LMTK2: variants seen among roughly 807,000 people sequenced by gnomAD.
LMTK2 encodes the protein serine/threonine-protein kinase LMTK2.
Under a neutral mutation model 127.5 loss-of-function variants are expected in LMTK2, and 37 were observed. The observed-to-expected ratio is 0.29, with a 90% CI of 0.22 to 0.38. LMTK2 has a LOEUF of 0.38. LMTK2 is among the 10% of genes least tolerant of loss of function. LMTK2 has a pLI of 1.00. For synonymous variants in LMTK2, 819 were observed against 810.1 expected (o/e 1.01, Z -0.19); for missense variants, 1,694 against 1,920.3 (o/e 0.88, Z 2.20).
Position 98,194,630 on chromosome 7 carries a change from G to T in LMTK2, c.4107+58G>T. 2 of 1,442,484 alleles carry T rather than the reference G, an allele frequency of 1.4e-6. No individual in the cohort carries two copies. Among genetic ancestry groups the T allele is most frequent in the Non-Finnish European group, 9.3e-7 (1 of 1,077,238 alleles). 89.4% of individuals were successfully genotyped at this position (1,442,484 alleles called of 1,614,324 possible). A position where few individuals can be genotyped will look rare whatever the true frequency, so the allele number is the denominator to read the frequency against. ...CATCCATATAAGGATTCCAAAATGT[G>T]CTAGGAAATTGAGTGTGGTCTGTTT... On this transcript the variant is annotated intron_variant, in intron 11 of 13. Coordinates refer to ENST00000297293, the MANE Select transcript of LMTK2 (RefSeq NM_014916.4). The surrounding 1 kb of genome is among the most constrained non-coding windows in gnomAD (Gnocchi z 5.4).
intron 1 of LMTK2, among the ~76,000 whole-genome samples, chr7:98,119,750 G>A (rs1314303521): frequency 2.0e-5 from 3 of 152,168 alleles, no homozygotes; most frequent in South Asian, 2.1e-4. Flanking sequence ...GTATAAAACC[G>A]TGACATTCTT....
intron 1 of LMTK2, among the ~76,000 whole-genome samples, chr7:98,122,416 T>G (rs1796376548): frequency 6.6e-6 from 1 of 152,194 alleles, no homozygotes; most frequent in African/African-American, 2.4e-5. Flanking sequence ...CCAAGAATAA[T>G]GCTCATTGGC....
intron 12 of LMTK2, 74 bp from the exon 13 acceptor site, chr7:98,203,870 C>T: frequency 6.3e-7 from 1 of 1,592,264 alleles, no homozygotes; most frequent in Non-Finnish European, 8.6e-7. Flanking sequence ...CTGCAGGGCG[C>T]ACCTGCCCAG....
In LMTK2 at chr7:98,186,074, T is replaced by C. The variant is rs565382918; in HGVS notation, c.877-803T>C. On this transcript the variant is annotated intron_variant, in intron 8 of 13. Coordinates refer to ENST00000297293, the MANE Select transcript of LMTK2 (RefSeq NM_014916.4). ...CCTGCATCATCTCTTTTTTTTTTTT[T>C]TCTTTTTTTGAGATGGGGTCTCGCT... Among the ~76,000 whole-genome samples, 24 of 152,000 alleles carry C rather than the reference T, an allele frequency of 1.6e-4. No homozygotes were observed. In the South Asian group the frequency reaches 4.6e-3, roughly 29 times the overall value.
At position 98,192,412 on chromosome 7, in the gene LMTK2, A is replaced by G; in HGVS notation, c.1947A>G (p.Gln649=). 1.2e-6 allele frequency: 2 copies of G among 1,610,944 alleles called. No individual in the cohort carries two copies. The highest frequency in any genetic ancestry group is 1.7e-6 in the Non-Finnish European group (2 of 1,179,334). The change falls in exon 11 of 14, where the codon CAA becomes CAG. Residue 649 remains glutamine, a synonymous_variant. Transcript: ENST00000297293. The part of the protein sequence containing the change: ...VDKSEDLPSH[Q]KIFDLMELNG... Reference sequence around the variant, plus strand: ...AATCGGAAGATTTGCCCAGTCACCAAAAAATATTCGACTTAATGGAATTAA... The same window carrying G: ...AATCGGAAGATTTGCCCAGTCACCAGAAAATATTCGACTTAATGGAATTAA...
At chr7:98,141,061 C>T (rs1389431233) in intron 2 of LMTK2, among the ~76,000 whole-genome samples, 1 of 136,140 alleles carries the variant, frequency 7.3e-6, no homozygotes, top group East Asian at 2.0e-4. Context: ...CAGAGCAAAA[C>T]CTTGTCTCAA....
At chr7:98,195,274 C>T (rs952424803) in intron 11 of LMTK2, among the ~76,000 whole-genome samples, 11 of 152,146 alleles carry the variant, frequency 7.2e-5, no homozygotes, top group Admixed American at 6.5e-5. Context: ...GGAGACAGCT[C>T]AGGAGAGGGG....
intron 5 of LMTK2, among the ~76,000 whole-genome samples, chr7:98,155,424 A>G (rs1053159348): frequency 6.6e-6 from 1 of 152,238 alleles, no homozygotes; most frequent in South Asian, 2.1e-4. Flanking sequence ...TTTGGAAAAG[A>G]AAAAGCCTAC....
intron 6 of LMTK2, among the ~76,000 whole-genome samples, chr7:98,169,104 A>G (rs1797147678): frequency 6.6e-6 from 1 of 152,146 alleles, no homozygotes; most frequent in Non-Finnish European, 1.5e-5. Flanking sequence ...AAACTGTGGT[A>G]CCAGGAGAGC....
chr7:98,126,261 C>T (rs1796442297), intron 1 of LMTK2, among the ~76,000 whole-genome samples: 3 of 152,164 alleles, frequency 2.0e-5, no homozygotes, highest in Admixed American at 2.0e-4. Flanking sequence ...GACTCGCCTG[C>T]ACATCTCTGC....
intron 1 of LMTK2, 92 bp from the exon 2 acceptor site, chr7:98,137,223 C>G (rs1348250556): frequency 1.7e-6 from 2 of 1,189,566 alleles, no homozygotes; most frequent in Non-Finnish European, 2.4e-6. Flanking sequence ...ACCCTTACAC[C>G]CATTTGTATG....
At chr7:98,116,800 A>T (rs1021372239) in intron 1 of LMTK2, among the ~76,000 whole-genome samples, 1 of 152,230 alleles carries the variant, frequency 6.6e-6, no homozygotes, top group Admixed American at 6.5e-5. Flanking sequence ...AGGAAACCAC[A>T]TTACATTTAG....
intron 1 of LMTK2, among the ~76,000 whole-genome samples, chr7:98,111,146 G>T (rs1225110045): frequency 6.6e-6 from 1 of 152,196 alleles, no homozygotes; most frequent in Non-Finnish European, 1.5e-5. Flanking sequence ...AAGTCCGTCT[G>T]CAGTTTTGTA....
intron 1 of LMTK2, among the ~76,000 whole-genome samples, chr7:98,136,889 C>T (rs1796602694): frequency 6.6e-6 from 1 of 152,148 alleles, no homozygotes; most frequent in African/African-American, 2.4e-5. Flanking sequence ...ACTGGAGGAG[C>T]TGAGGGGCAT....
At chr7:98,124,786 A>C (rs1356412898) in intron 1 of LMTK2, among the ~76,000 whole-genome samples, 1 of 63,952 alleles carries the variant, frequency 1.6e-5, no homozygotes, top group Non-Finnish European at 6.9e-5. Context: ...CTGTGTCTCT[A>C]AAAAAAAAAT....
intron 6 of LMTK2, among the ~76,000 whole-genome samples, chr7:98,169,766 A>G (rs1797157219): frequency 6.6e-6 from 1 of 152,014 alleles, no homozygotes; most frequent in Non-Finnish European, 1.5e-5. Flanking sequence ...CCCAAGCTCC[A>G]CAGAGCCTAA....
chr7:98,151,323 G>A, intron 3 of LMTK2, 59 bp from the exon 4 acceptor site: 1 of 1,138,120 alleles, frequency 8.8e-7, no homozygotes, highest in Non-Finnish European at 1.3e-6. Context: ...ATACTTTATA[G>A]GTTATATATT....
Position 98,159,354 on chromosome 7 carries a change from A to C in LMTK2, c.586A>C (p.Asn196His), listed in dbSNP as rs890236430. 6.2e-7 allele frequency: 1 copy of C among 1,604,774 alleles called. No individual in the cohort carries two copies. Among genetic ancestry groups the C allele is most frequent in the East Asian group, 2.3e-5 (1 of 44,332 alleles). ...TTTTCCCAGCATTCTTCAGCATCCA[A>C]ATATTCTTCAGTGTGTTGGACAGTG... is the stretch of plus-strand genomic sequence containing the variant. ...GEPYYILQHPNILQCVGQCVE... is the reference protein window; with the variant it reads ...GEPYYILQHPHILQCVGQCVE... Residue 196 changes from asparagine (N) to histidine (H), a missense_variant, in exon 6 of 14, where the codon AAT (asparagine) becomes CAT (histidine). Transcript: ENST00000297293.
At chr7:98,128,647 C>T (rs1279238336) in intron 1 of LMTK2, among the ~76,000 whole-genome samples, 5 of 152,158 alleles carry the variant, frequency 3.3e-5, no homozygotes, top group South Asian at 2.1e-4. Flanking sequence ...CATAGAGGTC[C>T]GAGGGCTGTG....
Sources: allele counts gnomAD v4.1 joint callset (sites outside exome capture counted in the v4.1 genomes callset), GRCh38; gene constraint gnomAD v4.1.1; non-coding constraint Gnocchi (gnomAD v3.1); transcripts MANE v1.5; gene names NCBI Gene and HGNC (gene_info 2026-07-23, HGNC 2026-07-21).